The following RP1 variants were observed in gnomAD, a reference collection of about 807,000 sequenced individuals.
The protein encoded by RP1 is RP1 axonemal microtubule associated, also known as oxygen-regulated protein 1.
RP1 carries 16 observed loss-of-function variants against 14.8 expected under a neutral mutation model. That is an observed-to-expected ratio of 1.08 (90% CI 0.73 to 1.65). RP1 has a LOEUF of 1.65. Ranked by LOEUF, RP1 falls within the 40% of genes most tolerant of loss-of-function variation. RP1 has a pLI of 0.00. For synonymous variants in RP1, 876 were observed against 883.6 expected, an observed-to-expected ratio of 0.99 and a Z score of 0.15; for missense variants, 2,631 against 2,535.0, an observed-to-expected ratio of 1.04 and a Z score of -0.81.
downstream of RP1, among the ~76,000 whole-genome samples, chr8:54,774,196 G>T (rs796140933): frequency 5.9e-5 from 9 of 152,254 alleles, no homozygotes; most frequent in African/African-American, 2.2e-4. Flanking sequence ...CCTACCCTTT[G>T]TGTTGGAGCC....
At chr8:54,586,372 GA>G (rs775665590) in intron 1 of RP1, among the ~76,000 whole-genome samples, 1 of 152,188 alleles carries the variant, frequency 6.6e-6, no homozygotes, top group Non-Finnish European at 1.5e-5. Context: ...TGTCTCAGAG[GA>G]GTACCAGGCC....
intron 19 of RP1, among the ~76,000 whole-genome samples, chr8:54,749,457 C>T (rs1399234248): frequency 6.6e-6 from 1 of 152,160 alleles, no homozygotes; most frequent in Non-Finnish European, 1.5e-5. Context: ...GCTCACTCTG[C>T]CCTCACAACC....
At chr8:54,727,518 A>G (rs1279215632) in intron 17 of RP1, among the ~76,000 whole-genome samples, 1 of 152,080 alleles carries the variant, frequency 6.6e-6, no homozygotes, top group African/African-American at 2.4e-5. Context: ...AAAACCTTCT[A>G]TATGTCTTAT....
chr8:54,626,923 A>T lies in RP1; in HGVS notation c.3041A>T (p.Asp1014Val), dbSNP rs1223506218. The T allele has an allele frequency of 6.2e-7, 1 of 1,613,958 alleles. No individual in the cohort carries two copies. The highest frequency in any genetic ancestry group is 8.5e-7 in the Non-Finnish European group (1 of 1,179,958). Residue 1014 changes from aspartate (D) to valine (V), a missense_variant, in exon 4 of 4, where the codon GAT becomes GTT. Transcript: ENST00000220676. ...LHETQVGSLN[D>V]AYLVPLHEHC... ...GAGACACAGGTTGGATCTCTGAATG[A>T]TGCTTATTTGGTTCCCCTGCATGAA...
At chr8:54,571,615 T>A (rs968045295) in intron 1 of RP1, among the ~76,000 whole-genome samples, 1 of 152,196 alleles carries the variant, frequency 6.6e-6, no homozygotes, top group Non-Finnish European at 1.5e-5. Flanking sequence ...GGCAACAGGA[T>A]TAGTTTGCTA....
intron 17 of RP1, among the ~76,000 whole-genome samples, chr8:54,727,525 T>C (rs1808685475): frequency 1.3e-5 from 2 of 152,210 alleles, no homozygotes; most frequent in African/African-American, 4.8e-5. Flanking sequence ...TCTATATGTC[T>C]TATGAAAATT....
rs769343374 is a variant in RP1, at chr8:54,625,700, T to A, written c.1818T>A (p.Ser606Arg). 7 of 1,614,088 alleles carry A rather than the reference T, an allele frequency of 4.3e-6. No individual in the cohort carries two copies. The highest frequency in any genetic ancestry group is 5.9e-6 in the Non-Finnish European group (7 of 1,179,982). ...KTYGNTNDRF[S>R]PISADATHFS... is the part of the protein sequence containing the mutation. ...ATGGTAACACCAATGATAGGTTCAGTCCTATTTCAGCAGATGCAACCCATT... is the reference window on the plus strand; with the variant it reads ...ATGGTAACACCAATGATAGGTTCAGACCTATTTCAGCAGATGCAACCCATT... Residue 606 changes from serine (S) to arginine (R), a missense_variant, in exon 4 of 4, where the codon AGT becomes AGA. Coordinates refer to ENST00000220676, the MANE Select transcript of RP1 (RefSeq NM_006269.2).
At chr8:54,760,321 C>G (rs1413332862) in intron 22 of RP1, among the ~76,000 whole-genome samples, 2 of 152,220 alleles carry the variant, frequency 1.3e-5, no homozygotes. Context: ...CAATTTTCTT[C>G]TGTGTCTTTC....
chr8:54,822,516 A>C (rs1432498048), intron 24 of RP1, among the ~76,000 whole-genome samples: 3 of 152,218 alleles, frequency 2.0e-5, no homozygotes, highest in Non-Finnish European at 4.4e-5. Flanking sequence ...ATCTTCTATA[A>C]ATACAAATGT....
At chr8:54,695,579 T>C (rs1807840389) in intron 12 of RP1, among the ~76,000 whole-genome samples, 1 of 152,156 alleles carries the variant, frequency 6.6e-6, no homozygotes, top group Non-Finnish European at 1.5e-5. Context: ...ACCAGAAAAT[T>C]ATTCTTAGAA....
intron 18 of RP1, among the ~76,000 whole-genome samples, chr8:54,737,554 C>T (rs1050016374): frequency 6.6e-6 from 1 of 152,144 alleles, no homozygotes; most frequent in South Asian, 2.1e-4. Context: ...AAGAGCTAGC[C>T]TCTGAGTTCT....
At chr8:54,605,980 T>G (rs1805431306) in intron 1 of RP1, among the ~76,000 whole-genome samples, 1 of 151,410 alleles carries the variant, frequency 6.6e-6, no homozygotes, top group African/African-American at 2.4e-5. Flanking sequence ...CACTGATGGG[T>G]CTTGACTCTT....
intron 24 of RP1, among the ~76,000 whole-genome samples, chr8:54,810,825 G>C (rs1227163362): frequency 6.6e-6 from 1 of 152,158 alleles, no homozygotes; most frequent in African/African-American, 2.4e-5. Context: ...GGGCATAAAA[G>C]GTGGCACCAT....
At chr8:54,750,292 T>A (rs1425592101) in intron 19 of RP1, among the ~76,000 whole-genome samples, 2 of 152,196 alleles carry the variant, frequency 1.3e-5, no homozygotes, top group Non-Finnish European at 2.9e-5. Context: ...TTAATGTTTA[T>A]ACCACAGAAA....
chr8:54,564,634 G>A (rs1476256753), intron 1 of RP1, among the ~76,000 whole-genome samples: 1 of 152,164 alleles, frequency 6.6e-6, no homozygotes, highest in Non-Finnish European at 1.5e-5. Flanking sequence ...CTGTGCTTTG[G>A]GGTTAGAGAA....
At chr8:54,734,806 A>AAG (rs1420793105) in intron 18 of RP1, 8 of 1,368,420 alleles carry the variant, frequency 5.8e-6, no homozygotes, top group Non-Finnish European at 7.8e-6. Context: ...TGTAATGTAG[A>AAG]AGTGTGTGTG....
intron 24 of RP1, among the ~76,000 whole-genome samples, chr8:54,823,440 T>C (rs60055580): frequency 0.32 from 48,266 of 151,800 alleles, 7,781 homozygotes; most frequent in South Asian, 0.37. Context: ...AAGCAATTCT[T>C]GTGCCTCAGC....
intron 24 of RP1, among the ~76,000 whole-genome samples, chr8:54,788,839 A>T (rs538759576): frequency 1.3e-4 from 20 of 152,308 alleles, no homozygotes; most frequent in African/African-American, 4.8e-4. Context: ...ACTAACAATC[A>T]TCTACAGAGA....
At chr8:54,710,391 G>T (rs991331097) in intron 15 of RP1, among the ~76,000 whole-genome samples, 12 of 152,194 alleles carry the variant, frequency 7.9e-5, no homozygotes, top group African/African-American at 2.7e-4. Context: ...CAACCCCAAG[G>T]TCCCAGAAGG....
Sources: gnomAD v4.1 joint callset for allele counts (sites outside exome capture counted in the v4.1 genomes callset) on GRCh38, gnomAD v4.1.1 for gene constraint, MANE v1.5 for transcripts, NCBI Gene and HGNC (gene_info 2026-07-23, HGNC 2026-07-21) for gene names.